The following PCDH7 variants were observed in gnomAD, a reference collection of about 807,000 sequenced individuals.
PCDH7 encodes the protein protocadherin 7.
PCDH7 carries 17 observed loss-of-function variants against 58.9 expected under a neutral mutation model. The ratio of observed to expected loss-of-function variants is 0.29; its 90% confidence interval spans 0.20 to 0.43. PCDH7 has a LOEUF of 0.43. Ranked by LOEUF, PCDH7 falls within the 20% of genes least tolerant of loss-of-function variation. PCDH7 has a pLI of 1.00. For synonymous variants in PCDH7, 664 were observed against 616.4 expected, an observed-to-expected ratio of 1.08 and a Z score of -1.14; for missense variants, 1,274 against 1,441.0, an observed-to-expected ratio of 0.88 and a Z score of 1.88.
chr4:30,771,795 T>G (rs572211977), intron 1 of PCDH7, among the ~76,000 whole-genome samples: 1 of 152,278 alleles, frequency 6.6e-6, no homozygotes, highest in East Asian at 1.9e-4. Context: ...TTTATGAAAT[T>G]TTATCATAAA....
Position 31,021,191 on chromosome 4 carries a change from G to A in PCDH7, c.*7+70976G>A, listed in dbSNP as rs1753991031. ...AGTCATGGGATAAGGGTCTCCAATGGCACTAGGCCCAGAGAATTAGATGCC... is the reference window on the plus strand; with the variant it reads ...AGTCATGGGATAAGGGTCTCCAATGACACTAGGCCCAGAGAATTAGATGCC... On this transcript the variant is annotated intron_variant, in intron 3 of 3. Transcript: ENST00000509759. 2.6e-5 allele frequency among the ~76,000 whole-genome samples: 4 copies of A among 152,136 alleles called. No individual in the cohort carries two copies. The South Asian group carries it at 8.3e-4, about 32-fold the overall frequency.
At position 30,829,095 on chromosome 4, in the gene PCDH7, T is replaced by C. The variant is rs1175218988; in HGVS notation, c.71-91058T>C. On this transcript the variant is annotated intron_variant, in intron 1 of 3. Transcript: ENST00000509759. ...CACATGTACCTGCACTTTATTTCATTGCTTCATCTTTTCAAACTGTAGCTG... is the reference window on the plus strand; with the variant it reads ...CACATGTACCTGCACTTTATTTCATCGCTTCATCTTTTCAAACTGTAGCTG... 2.0e-5 allele frequency among the ~76,000 whole-genome samples: 3 copies of C among 152,050 alleles called. No individual in the cohort carries two copies. The East Asian group carries it at 5.8e-4, about 29-fold the overall frequency.
At chr4:30,753,317 C>A (rs1300940818) in intron 1 of PCDH7, among the ~76,000 whole-genome samples, 1 of 152,110 alleles carries the variant, frequency 6.6e-6, no homozygotes, top group Non-Finnish European at 1.5e-5. Flanking sequence ...TGATAAGGAA[C>A]CAGAATGAAA....
At chr4:31,102,797 C>T (rs1334821163) in intron 3 of PCDH7, among the ~76,000 whole-genome samples, 9 of 152,054 alleles carry the variant, frequency 5.9e-5, no homozygotes, top group Admixed American at 5.9e-4. Context: ...CTTTTATTTC[C>T]TGTGCCTTCT....
intron 3 of PCDH7, among the ~76,000 whole-genome samples, chr4:31,111,997 G>C (rs1469421384): frequency 6.6e-6 from 1 of 152,138 alleles, no homozygotes; most frequent in Admixed American, 6.5e-5. Context: ...TAATGAGTCA[G>C]CATTTAAAAC....
intron 3 of PCDH7, among the ~76,000 whole-genome samples, chr4:30,966,211 T>C (rs1420599735): frequency 3.3e-5 from 5 of 152,182 alleles, no homozygotes; most frequent in Non-Finnish European, 5.9e-5. Flanking sequence ...CCAATCAGCA[T>C]ATATTATTGC....
At chr4:30,935,230 T>G (rs1185054336) in intron 2 of PCDH7, 5 of 466,442 alleles carry the variant, frequency 1.1e-5, no homozygotes, top group South Asian at 1.8e-4. Flanking sequence ...TAACTAGTTC[T>G]ACAACAATCT....
At chr4:30,926,189 C>T (rs1743844379) in intron 2 of PCDH7, among the ~76,000 whole-genome samples, 1 of 85,118 alleles carries the variant, frequency 1.2e-5, no homozygotes, top group South Asian at 3.7e-4. Flanking sequence ...AACTTTAGGT[C>T]GTTTTTTTTT....
intron 1 of PCDH7, chr4:30,884,835 C>T (rs541030006): frequency 1.3e-5 from 2 of 151,972 alleles, no homozygotes; most frequent in South Asian, 4.2e-4. Flanking sequence ...CTCAGGAGGT[C>T]AGGCAAAAAT....
chr4:30,969,625 A>T (rs565812096), intron 3 of PCDH7, among the ~76,000 whole-genome samples: 2 of 152,172 alleles, frequency 1.3e-5, no homozygotes, highest in Non-Finnish European at 1.5e-5. Flanking sequence ...TGCTTGGAAG[A>T]TAGTTGGGAA....
At chr4:30,976,938 T>G (rs774242450) in intron 3 of PCDH7, among the ~76,000 whole-genome samples, 2 of 152,176 alleles carry the variant, frequency 1.3e-5, no homozygotes, top group African/African-American at 2.4e-5. Context: ...TATTAAACAT[T>G]TACCCAGTTG....
chr4:30,797,129 T>C (rs915617230), intron 1 of PCDH7, among the ~76,000 whole-genome samples: 9 of 150,892 alleles, frequency 6.0e-5, no homozygotes, highest in Non-Finnish European at 5.9e-5. Context: ...CCCGGCTAAT[T>C]TTTATATTTT....
At chr4:30,816,560 ACTTCT>A (rs966008805) in intron 1 of PCDH7, among the ~76,000 whole-genome samples, 1 of 151,568 alleles carries the variant, frequency 6.6e-6, no homozygotes, top group Non-Finnish European at 1.5e-5. Context: ...TTTTTTTTTA[ACTTCT>A]CTTAAATTTG....
At chr4:30,899,768 G>T (rs1391125390) in intron 1 of PCDH7, among the ~76,000 whole-genome samples, 1 of 151,868 alleles carries the variant, frequency 6.6e-6, no homozygotes, top group South Asian at 2.1e-4. Context: ...TGTGTTTGTG[G>T]GGTGGGGGTG....
At chr4:31,131,691 AG>A (rs1466545318) in intron 3 of PCDH7, among the ~76,000 whole-genome samples, 1 of 152,196 alleles carries the variant, frequency 6.6e-6, no homozygotes, top group Admixed American at 6.5e-5. Context: ...TGTTATTAAA[AG>A]AGTAGTTCCA....
intron 1 of PCDH7, among the ~76,000 whole-genome samples, chr4:30,834,205 A>T (rs1294915443): frequency 1.3e-5 from 2 of 152,170 alleles, no homozygotes; most frequent in Non-Finnish European, 2.9e-5. Flanking sequence ...CTAGAAAGTC[A>T]CACAGGACCT....
At chr4:31,029,682 T>C (rs886073362) in intron 3 of PCDH7, among the ~76,000 whole-genome samples, 3 of 152,118 alleles carry the variant, frequency 2.0e-5, no homozygotes, top group African/African-American at 7.2e-5. Flanking sequence ...CTAGATGGAG[T>C]GGTCCAGAAT....
intron 1 of PCDH7, among the ~76,000 whole-genome samples, chr4:30,787,937 A>G (rs1392672552): frequency 1.3e-5 from 2 of 152,130 alleles, no homozygotes; most frequent in Non-Finnish European, 2.9e-5. Context: ...AAATAGAATG[A>G]CTACTTCAAC....
chr4:30,884,032 T>C (rs1489989321), intron 1 of PCDH7, among the ~76,000 whole-genome samples: 2 of 152,186 alleles, frequency 1.3e-5, no homozygotes, highest in Non-Finnish European at 2.9e-5. Context: ...AAGTACTTTT[T>C]CCTGGTTGCC....
Sources: allele counts gnomAD v4.1 joint callset (sites outside exome capture counted in the v4.1 genomes callset), GRCh38; gene constraint gnomAD v4.1.1; transcripts MANE v1.5; gene names NCBI Gene and HGNC (gene_info 2026-07-23, HGNC 2026-07-21).